The following SH3PXD2B variants were observed in gnomAD, a reference collection of about 807,000 sequenced individuals.
The protein encoded by SH3PXD2B is SH3 and PX domains 2B.
SH3PXD2B carries 37 observed loss-of-function variants against 73.1 expected under a neutral mutation model. The ratio of observed to expected loss-of-function variants is 0.51; its 90% confidence interval spans 0.39 to 0.67. The LOEUF is 0.67. Among genes scored for constraint, SH3PXD2B ranks in the 30% least tolerant of loss-of-function variants. The probability of loss-of-function intolerance (pLI) is 0.00; values close to 1 mark genes in which losing one functional copy is unlikely to be tolerated. For synonymous variants in SH3PXD2B, 457 were observed against 480.5 expected, an observed-to-expected ratio of 0.95 and a Z score of 0.64; for missense variants, 1,053 against 1,197.8, an observed-to-expected ratio of 0.88 and a Z score of 1.78.
At position 172,334,924 on chromosome 5, in the gene SH3PXD2B, G is replaced by C; in HGVS notation, c.*3445C>G. 1 of 985,396 alleles carries C rather than the reference G, an allele frequency of 1.0e-6. No individual in the cohort carries two copies. The highest frequency in any genetic ancestry group is 1.2e-6 in the Non-Finnish European group (1 of 829,942). The allele number at this position is 985,396 out of a possible 1,614,324, so 61.0% of individuals were successfully genotyped here. A position where few individuals can be genotyped will look rare whatever the true frequency, so the allele number is the denominator to read the frequency against. ...CATTGACTTGGAAATTGATTCTATG[G>C]CGTGGCCTTGTGGCAGAGGTTTAAA... On this transcript the variant is annotated 3_prime_UTR_variant, in exon 13 of 13. Coordinates refer to ENST00000311601, the MANE Select transcript of SH3PXD2B (RefSeq NM_001017995.3).
chr5:172,347,459 C>A, intron 10 of SH3PXD2B, 127 bp from the exon 11 acceptor site: 2 of 920,492 alleles, frequency 2.2e-6, no homozygotes, highest in East Asian at 2.6e-5. Context: ...TGCAACCCTC[C>A]CTGTGAGAAC....
chr5:172,416,692 CTCTCTTTTTTTTTTT>C (rs1430993134), intron 2 of SH3PXD2B, among the ~76,000 whole-genome samples: 5 of 91,220 alleles, frequency 5.5e-5, no homozygotes, highest in African/African-American at 1.1e-4. Context: ...CTCTCTCTCT[CTCTCTTTTTTTTTTT>C]TTTTTTTTTT....
rs763988022 is a variant in SH3PXD2B at position 172,339,207 on chromosome 5, T to C, written c.1898A>G (p.Asn633Ser). 1.9e-6 allele frequency: 3 copies of C among 1,614,230 alleles called. No individual in the cohort carries two copies. The South Asian group carries it at 3.3e-5, about 18-fold the overall frequency. Reference sequence around the variant, plus strand: ...CTGAGGTCTGGACTTCAAGAAGGGATTCTGGGGAGTGGCATCTGGCTTCTC... The same window carrying C: ...CTGAGGTCTGGACTTCAAGAAGGGACTCTGGGGAGTGGCATCTGGCTTCTC... ...PEEKPDATPQ[N>S]PFLKSRPQVR... is the part of the protein sequence containing the mutation. The change falls in exon 13 of 13, where the codon AAT becomes AGT. Residue 633 changes from asparagine to serine, a missense_variant. By Grantham distance (46) the Asn-to-Ser change is conservative. This residue lies in a region of SH3PXD2B where 587 missense variants were observed against 590.7 expected (regional missense o/e 0.99). Transcript: ENST00000311601. The surrounding 1 kb of genome is among the most constrained non-coding windows in gnomAD (Gnocchi z 6.1).
chr5:172,404,384 C>A (rs1758506001), intron 3 of SH3PXD2B, among the ~76,000 whole-genome samples: 1 of 152,066 alleles, frequency 6.6e-6, no homozygotes. Context: ...CTCACTGCAA[C>A]CTCCACTGCC....
At chr5:172,413,051 G>A (rs547051644) in intron 2 of SH3PXD2B, among the ~76,000 whole-genome samples, 3 of 152,344 alleles carry the variant, frequency 2.0e-5, no homozygotes, top group Non-Finnish European at 2.9e-5. Flanking sequence ...GCCACCACAC[G>A]TGGTTTGCGT....
In SH3PXD2B at chr5:172,337,142, C is replaced by T; in HGVS notation, c.*1227G>A. The T allele has an allele frequency of 1.0e-6, 1 of 985,562 alleles. No homozygotes were observed. The highest frequency in any genetic ancestry group is 1.2e-6 in the Non-Finnish European group (1 of 830,010). The allele number at this position is 985,562 out of a possible 1,614,324, so 61.1% of individuals were successfully genotyped here. A position where few individuals can be genotyped will look rare whatever the true frequency, so the allele number is the denominator to read the frequency against. On this transcript the variant is annotated 3_prime_UTR_variant, in exon 13 of 13. Coordinates refer to ENST00000311601, the MANE Select transcript of SH3PXD2B (RefSeq NM_001017995.3). The stretch of plus-strand genomic sequence containing the variant: ...CAACCACCAGGACCCTGGCATTCTC[C>T]TGTCATGGAGATGCAGCTGTTGAGT...
chr5:172,394,451 A>T, intron 4 of SH3PXD2B, 112 bp downstream of exon 4: 3 of 1,080,088 alleles, frequency 2.8e-6, no homozygotes, highest in South Asian at 2.7e-5. Flanking sequence ...TAATTTCTTT[A>T]CATTCCTTTG....
intron 1 of SH3PXD2B, among the ~76,000 whole-genome samples, chr5:172,435,362 T>C (rs1043516565): frequency 7.9e-5 from 12 of 152,198 alleles, no homozygotes; most frequent in Admixed American, 7.9e-4. Flanking sequence ...GCTGGTAAGA[T>C]TGAGAATGAG....
intron 1 of SH3PXD2B, among the ~76,000 whole-genome samples, chr5:172,441,258 T>C (rs1759544797): frequency 6.6e-6 from 1 of 152,160 alleles, no homozygotes; most frequent in Admixed American, 6.5e-5. Context: ...TTAAGTAACG[T>C]GGCCCAAATC....
chr5:172,362,194 A>T (rs997540785), intron 7 of SH3PXD2B, among the ~76,000 whole-genome samples: 1 of 140,284 alleles, frequency 7.1e-6, no homozygotes, highest in Non-Finnish European at 1.5e-5. Flanking sequence ...AAGAAAACGA[A>T]CAGTCAGAGA....
At position 172,353,741 on chromosome 5, in the gene SH3PXD2B, G is replaced by A; in HGVS notation, c.785+147C>T. 1.4e-6 allele frequency: 1 copy of A among 735,400 alleles called. No homozygotes were observed. Among genetic ancestry groups the A allele is most frequent in the Non-Finnish European group, 2.5e-6 (1 of 405,420 alleles). The allele number at this position is 735,400 out of a possible 1,614,324, so 45.6% of individuals were successfully genotyped here. ...GGGAGGGAGGCCACACAACACAGAG[G>A]AGAAGTATCCTTTTATGGTTCAGGC... On this transcript the variant is annotated intron_variant, in intron 9 of 12. Transcript: ENST00000311601. The surrounding 1 kb of genome is among the most constrained non-coding windows in gnomAD (Gnocchi z 4.3).
rs751102391 is a variant in SH3PXD2B, at chr5:172,353,866, C to T, written c.785+22G>A. ...CGTGACCCCAAACCCACCCAGCAACCGTGGGGGGCAGCGGCTGGTACCTGA... is the reference window on the plus strand; with the variant it reads ...CGTGACCCCAAACCCACCCAGCAACTGTGGGGGGCAGCGGCTGGTACCTGA... On this transcript the variant is annotated intron_variant, in intron 9 of 12. Coordinates refer to ENST00000311601, the MANE Select transcript of SH3PXD2B (RefSeq NM_001017995.3). This position sits in a 1 kb window ranked among gnomAD's most constrained non-coding sequence, Gnocchi z 4.3. The T allele has an allele frequency of 1.9e-5, 30 of 1,603,028 alleles. No homozygotes were observed. Among genetic ancestry groups the T allele is most frequent in the African/African-American group, 1.5e-4 (11 of 74,658 alleles).
intron 1 of SH3PXD2B, among the ~76,000 whole-genome samples, chr5:172,441,359 T>C (rs1426655464): frequency 6.6e-6 from 1 of 152,226 alleles, no homozygotes; most frequent in African/African-American, 2.4e-5. Context: ...CACTGACTGC[T>C]CGGCCTGGGG....
rs770521481 is a variant in SH3PXD2B at position 172,325,320 on chromosome 5, G to T, written c.1249C>A (p.Arg417=). 7.8e-6 allele frequency: 12 copies of T among 1,535,348 alleles called. No homozygotes were observed. In the East Asian group the frequency reaches 2.9e-4, roughly 38 times the overall value. The change falls in exon 13 of 13, where the codon CGG becomes AGG. Residue 417 remains arginine, a synonymous_variant. Transcript: ENST00000519643. ...GCCACGTGCTTCCCAAGTGCTGTCC[G>T]CATCTTGATTCTTCTAAGAGGGACT... is the stretch of plus-strand genomic sequence containing the variant.
chr5:172,381,625 T>TCA (rs1757948500), intron 5 of SH3PXD2B, among the ~76,000 whole-genome samples: 1 of 152,118 alleles, frequency 6.6e-6, no homozygotes, highest in South Asian at 2.1e-4. Flanking sequence ...GCCCCGTTGC[T>TCA]CACCGGCAGT....
At chr5:172,408,213 G>A (rs1758607022) in intron 2 of SH3PXD2B, among the ~76,000 whole-genome samples, 1 of 150,330 alleles carries the variant, frequency 6.7e-6, no homozygotes, top group Non-Finnish European at 1.5e-5. Flanking sequence ...AATCTTTATC[G>A]TTTCAAAGAA....
At chr5:172,420,531 C>T (rs1758937411) in intron 2 of SH3PXD2B, among the ~76,000 whole-genome samples, 1 of 152,160 alleles carries the variant, frequency 6.6e-6, no homozygotes, top group Non-Finnish European at 1.5e-5. Flanking sequence ...CTGAGAGAAA[C>T]TGTGTGGCAA....
chr5:172,339,054 T>A lies in SH3PXD2B; in HGVS notation c.2051A>T (p.Glu684Val), dbSNP rs138477347. ...TTGGCCCCCTACTGCCTGGGGGCCCTCCCCATCCAACAAGGACTTGTCTTG... is the reference window on the plus strand; with the variant it reads ...TTGGCCCCCTACTGCCTGGGGGCCCACCCCATCCAACAAGGACTTGTCTTG... Reference protein sequence around the residue: ...KSQDKSLLDGEGPQAVGGQDV... With the variant: ...KSQDKSLLDGVGPQAVGGQDV... The change falls in exon 13 of 13, where the codon GAG becomes GTG. Residue 684 changes from glutamate (E) to valine (V), a missense_variant. By Grantham distance (121) the Glu-to-Val change is moderately radical (BLOSUM62 -2). Around this residue, in one of 2 missense-constraint regions of SH3PXD2B, gnomAD observed 587 missense variants for 590.7 expected, o/e 0.99. Transcript: ENST00000311601. This position sits in a 1 kb window ranked among gnomAD's most constrained non-coding sequence, Gnocchi z 6.1. 4.0e-5 allele frequency: 65 copies of A among 1,614,062 alleles called. No individual in the cohort carries two copies. The highest frequency in any genetic ancestry group is 5.4e-5 in the Non-Finnish European group (64 of 1,180,018).
chr5:172,395,000 G>T (rs773532323), intron 3 of SH3PXD2B, among the ~76,000 whole-genome samples: 5 of 152,154 alleles, frequency 3.3e-5, no homozygotes, highest in Non-Finnish European at 7.4e-5. Context: ...CTGGCTGGGT[G>T]AACAGTACAG....
Sources: gnomAD v4.1 joint callset for allele counts (sites outside exome capture counted in the v4.1 genomes callset) on GRCh38, gnomAD v4.1.1 for gene constraint, gnomAD v4.1.1 regional missense constraint, Gnocchi (gnomAD v3.1) non-coding constraint, MANE v1.5 for transcripts, NCBI Gene and HGNC (gene_info 2026-07-23, HGNC 2026-07-21) for gene names.